The following GALNT13 variants were observed in gnomAD, a reference collection of about 807,000 sequenced individuals.
The protein encoded by GALNT13 is UDP-GalNAc:polypeptide N-acetylgalactosaminyltransferase 13.
Under a neutral mutation model 64.2 loss-of-function variants are expected in GALNT13, and 28 were observed. The ratio of observed to expected loss-of-function variants is 0.44; its 90% CI spans 0.32 to 0.60. The LOEUF (loss-of-function observed/expected upper bound fraction) is 0.60, where lower values mean the gene tolerates loss of function less well. GALNT13 is among the 20% of genes least tolerant of loss of function. GALNT13 has a pLI of 0.05. For synonymous variants in GALNT13, 214 were observed against 224.6 expected (o/e 0.95, Z 0.42); for missense variants, 577 against 669.8 (o/e 0.86, Z 1.53).
At chr2:153,510,064 C>A in the GALNT13 span, among the ~76,000 whole-genome samples, 5 of 152,086 alleles carry the variant, frequency 3.3e-5, no homozygotes, top group African/African-American at 1.2e-4. Flanking sequence ...TTTAGGGTCT[C>A]AGGAAATTTA....
the GALNT13 span, among the ~76,000 whole-genome samples, chr2:153,533,405 C>T: frequency 1.3e-5 from 2 of 151,992 alleles, no homozygotes; most frequent in Admixed American, 6.6e-5. Flanking sequence ...GCAACTGCCA[C>T]CACGTCCAGC....
the GALNT13 span, among the ~76,000 whole-genome samples, chr2:153,333,016 A>G: frequency 6.6e-6 from 1 of 152,126 alleles, no homozygotes; most frequent in Non-Finnish European, 1.5e-5. Flanking sequence ...TCCTGCCTCT[A>G]GTGCTAAGAC....
At chr2:153,085,058 G>A in the GALNT13 span, among the ~76,000 whole-genome samples, 2 of 152,170 alleles carry the variant, frequency 1.3e-5, no homozygotes, top group Admixed American at 6.5e-5. Flanking sequence ...TGAGGAACTT[G>A]TGGGAAGTGG....
the GALNT13 span, among the ~76,000 whole-genome samples, chr2:153,178,984 C>G: frequency 2.6e-5 from 4 of 151,962 alleles, no homozygotes; most frequent in Non-Finnish European, 5.9e-5. Context: ...CTCAGGTGAT[C>G]CATGCACCTC....
the GALNT13 span, among the ~76,000 whole-genome samples, chr2:153,303,768 T>C: frequency 6.6e-6 from 1 of 152,142 alleles, no homozygotes; most frequent in African/African-American, 2.4e-5. Flanking sequence ...AAAAATATAT[T>C]GAATTTTGTC....
the GALNT13 span, among the ~76,000 whole-genome samples, chr2:153,495,802 CTTGT>C: frequency 7.3e-3 from 1,107 of 152,272 alleles, 12 homozygotes; most frequent in African/African-American, 0.026. Flanking sequence ...TGTTTTCTGT[CTTGT>C]TTGTGATGGC....
At chr2:153,251,314 G>A in the GALNT13 span, among the ~76,000 whole-genome samples, 3 of 152,130 alleles carry the variant, frequency 2.0e-5, no homozygotes, top group African/African-American at 7.2e-5. Flanking sequence ...GTGCTACAGA[G>A]GTAATTAATT....
chr2:153,778,801 T>G, the GALNT13 span, among the ~76,000 whole-genome samples: 1 of 152,214 alleles, frequency 6.6e-6, no homozygotes, highest in South Asian at 2.1e-4. Context: ...ATATTGTGTA[T>G]TAGTAAAGCC....
At chr2:153,278,723 G>A in the GALNT13 span, among the ~76,000 whole-genome samples, 1 of 151,892 alleles carries the variant, frequency 6.6e-6, no homozygotes, top group African/African-American at 2.4e-5. Flanking sequence ...GTCTCTTTTT[G>A]TACAACAAAG....
chr2:154,322,497 G>A (rs1277317622), intron 9 of GALNT13, among the ~76,000 whole-genome samples: 1 of 147,094 alleles, frequency 6.8e-6, no homozygotes, highest in Non-Finnish European at 1.5e-5. Context: ...AATTGAATAA[G>A]GATGTAACTG....
chr2:153,700,563 C>T, the GALNT13 span, among the ~76,000 whole-genome samples: 9 of 152,266 alleles, frequency 5.9e-5, no homozygotes, highest in East Asian at 9.7e-4. Context: ...TCTCTGTTTA[C>T]AGATGACATG....
the GALNT13 span, among the ~76,000 whole-genome samples, chr2:153,740,119 A>G: frequency 1.3e-5 from 2 of 151,940 alleles, no homozygotes. Flanking sequence ...AGAGTTCTTC[A>G]AGCTTTCTGA....
the GALNT13 span, among the ~76,000 whole-genome samples, chr2:153,714,836 A>G: frequency 5.3e-5 from 8 of 152,338 alleles, no homozygotes; most frequent in East Asian, 1.4e-3. Context: ...ACAGAGTAAT[A>G]CTACTTCATA....
At chr2:153,266,170 G>A in the GALNT13 span, among the ~76,000 whole-genome samples, 2 of 152,146 alleles carry the variant, frequency 1.3e-5, no homozygotes, top group Non-Finnish European at 2.9e-5. Flanking sequence ...TCCAAGGTAT[G>A]TTTGTATATA....
intron 12 of GALNT13, among the ~76,000 whole-genome samples, chr2:154,450,034 G>A (rs898440703): frequency 6.6e-6 from 1 of 151,974 alleles, no homozygotes; most frequent in Non-Finnish European, 1.5e-5. Flanking sequence ...TTACCAAATG[G>A]TTACTGAATA....
chr2:153,496,811 C>T, the GALNT13 span, among the ~76,000 whole-genome samples: 9 of 151,680 alleles, frequency 5.9e-5, no homozygotes, highest in African/African-American at 2.2e-4. Context: ...CATAGTGAAA[C>T]CCCATCGCTA....
At chr2:153,468,054 TTAAG>T in the GALNT13 span, among the ~76,000 whole-genome samples, 1 of 152,044 alleles carries the variant, frequency 6.6e-6, no homozygotes, top group African/African-American at 2.4e-5. Context: ...TCAATCTTTA[TTAAG>T]TGACTGTTAC....
At chr2:153,852,239 T>C in the GALNT13 span, among the ~76,000 whole-genome samples, 1 of 152,186 alleles carries the variant, frequency 6.6e-6, no homozygotes, top group African/African-American at 2.4e-5. Flanking sequence ...GATTGCCACA[T>C]TGGATTTAAA....
At chr2:154,037,041 C>G (rs973775406) in intron 3 of GALNT13, among the ~76,000 whole-genome samples, 2 of 151,958 alleles carry the variant, frequency 1.3e-5, no homozygotes, top group Non-Finnish European at 2.9e-5. Flanking sequence ...TTTTCTTAAC[C>G]TTTTATGGTT....
Sources: gnomAD v4.1 joint callset for allele counts (sites outside exome capture counted in the v4.1 genomes callset) on GRCh38, gnomAD v4.1.1 for gene constraint, MANE v1.5 for transcripts, NCBI Gene and HGNC (gene_info 2026-07-23, HGNC 2026-07-21) for gene names.